BLOC1S3: variants seen among roughly 807,000 people sequenced by gnomAD.
BLOC1S3 encodes biogenesis of lysosomal organelles complex 1 subunit 3.
A neutral mutation model predicts 9.1 loss-of-function variants in BLOC1S3; 7 were observed. The ratio of observed to expected loss-of-function variants is 0.77; its 90% CI spans 0.44 to 1.45. The LOEUF is 1.45. BLOC1S3 is among the 40% of genes most tolerant of loss of function. BLOC1S3 has a pLI of 0.01. For missense variants in BLOC1S3, 307 were observed against 315.2 expected (o/e 0.97, Z 0.20); for synonymous variants, 145 against 158.4 (o/e 0.92, Z 0.64).
chr19:45,208,711 TG>T (rs1969745959), intron 3 of BLOC1S3, among the ~76,000 whole-genome samples: 1 of 150,844 alleles, frequency 6.6e-6, no homozygotes, highest in African/African-American at 2.4e-5. Context: ...GCTGAGGCTG[TG>T]CCATTGCACT....
intron 2 of BLOC1S3, chr19:45,198,912 G>T (rs1969669348): frequency 6.6e-6 from 1 of 151,980 alleles, no homozygotes; most frequent in African/African-American, 2.4e-5. Flanking sequence ...TCACCATGTT[G>T]CCCAGACTGG....
Position 45,207,896 on chromosome 19 carries a change from T to C in BLOC1S3, n.282+5389T>C, listed in dbSNP as rs1021620326. ...TCTTAGAATTGAACTAATGTCAATG[T>C]CCTGTTTTGATGTTGTATTACAGTT... On this transcript the variant is annotated intron_variant and non_coding_transcript_variant, in intron 3 of 3. Transcript: ENST00000591569. Among the ~76,000 whole-genome samples the C allele has an allele frequency of 4.6e-5, 7 of 152,288 alleles. No individual in the cohort carries two copies. The East Asian group carries it at 1.2e-3, about 25-fold the overall frequency.
intron 2 of BLOC1S3, chr19:45,199,004 G>A (rs111736514): frequency 3.3e-5 from 5 of 152,094 alleles, no homozygotes; most frequent in South Asian, 2.1e-4. Flanking sequence ...CACTGCACAC[G>A]GCCTCCATTG....
At chr19:45,204,418 C>T (rs1380902052) in intron 3 of BLOC1S3, among the ~76,000 whole-genome samples, 1 of 151,874 alleles carries the variant, frequency 6.6e-6, no homozygotes, top group Non-Finnish European at 1.5e-5. Context: ...GTCTTGAACC[C>T]CTGACCTCAG....
chr19:45,202,210 TAA>T (rs59295257), intron 2 of BLOC1S3, among the ~76,000 whole-genome samples: 2,354 of 54,618 alleles, frequency 0.043, 54 homozygotes, highest in African/African-American at 0.081. Context: ...AGACTCCATC[TAA>T]AAAAAAAAAA....
At chr19:45,194,084 T>C (rs1969629310) in intron 2 of BLOC1S3, among the ~76,000 whole-genome samples, 1 of 129,686 alleles carries the variant, frequency 7.7e-6, no homozygotes, top group South Asian at 2.6e-4. Flanking sequence ...ATTACAGGTG[T>C]GAGCCACCGC....
In BLOC1S3 at chr19:45,199,690, GTTCTCTTCTGTTCTC is replaced by G. The variant is rs996760502; in HGVS notation, n.181-2691_181-2677del. Among the ~76,000 whole-genome samples, 312 of 144,092 alleles carry G rather than the reference GTTCTCTTCTGTTCTC, an allele frequency of 2.2e-3. 1 individual carries two copies. Among genetic ancestry groups the G allele is most frequent in the African/African-American group, 7.7e-3 (280 of 36,440 alleles). 94.5% of individuals were successfully genotyped at this position (144,092 alleles called of 152,430 possible). A position where few individuals can be genotyped will look rare whatever the true frequency, so the allele number is the denominator to read the frequency against. ...TCTCATCTCTTTTCTCTTCTCTTCT[GTTCTCTTCTGTTCTC>G]TTCTCTTCTGTTCTCTTCTCTTCTT... is the stretch of plus-strand genomic sequence containing the variant. On this transcript the variant is annotated intron_variant and non_coding_transcript_variant, in intron 2 of 3. Coordinates refer to the BLOC1S3 transcript ENST00000591569.
chr19:45,189,463 G>A (rs1599750877), intron 2 of BLOC1S3, among the ~76,000 whole-genome samples: 1 of 146,586 alleles, frequency 6.8e-6, no homozygotes, highest in East Asian at 2.0e-4. Flanking sequence ...ACGGAGTTTC[G>A]CTCTTGTTGC....
chr19:45,215,007 T>C (rs546243674), intron 3 of BLOC1S3, among the ~76,000 whole-genome samples: 2 of 151,566 alleles, frequency 1.3e-5, no homozygotes, highest in East Asian at 3.9e-4. Flanking sequence ...AATACAAAAA[T>C]TAGCCGGGCG....
chr19:45,210,843 G>A (rs1288834083), intron 3 of BLOC1S3, among the ~76,000 whole-genome samples: 1 of 152,220 alleles, frequency 6.6e-6, no homozygotes, highest in Non-Finnish European at 1.5e-5. Flanking sequence ...AACGCCTACA[G>A]GGCAGTGGCA....
intron 3 of BLOC1S3, among the ~76,000 whole-genome samples, chr19:45,211,983 C>A (rs1439593074): frequency 2.0e-5 from 3 of 152,110 alleles, no homozygotes; most frequent in Non-Finnish European, 2.9e-5. Context: ...CCGAGACTTT[C>A]CTGCGTCAAC....
At chr19:45,190,825 A>ATTT (rs1271466326) in intron 2 of BLOC1S3, among the ~76,000 whole-genome samples, 2 of 28,570 alleles carry the variant, frequency 7.0e-5, no homozygotes, top group African/African-American at 2.8e-4. Flanking sequence ...TTATTTTTTG[A>ATTT]GAGAGAGTCT....
intron 2 of BLOC1S3, among the ~76,000 whole-genome samples, chr19:45,188,472 C>CCTTTTTTTTTT (rs1568472450): frequency 6.6e-6 from 1 of 151,846 alleles, no homozygotes; most frequent in African/African-American, 2.4e-5. Context: ...CAGCGCCCGG[C>CCTTTTTTTTTT]TTCTTTTAGT....
At chr19:45,209,117 C>T (rs1340859959) in intron 3 of BLOC1S3, among the ~76,000 whole-genome samples, 6 of 151,728 alleles carry the variant, frequency 4.0e-5, no homozygotes, top group East Asian at 3.9e-4. Flanking sequence ...GGTGCTACCT[C>T]GGCTCACTGC....
intron 3 of BLOC1S3, among the ~76,000 whole-genome samples, chr19:45,215,070 C>T (rs921168642): frequency 2.0e-5 from 3 of 151,796 alleles, no homozygotes; most frequent in African/African-American, 7.3e-5. Context: ...CTCTTGAACC[C>T]GGGAGGCAGA....
At chr19:45,210,600 C>CTT (rs925610965) in intron 3 of BLOC1S3, among the ~76,000 whole-genome samples, 1 of 144,942 alleles carries the variant, frequency 6.9e-6, no homozygotes, top group Non-Finnish European at 1.5e-5. Context: ...CACCCGGCCA[C>CTT]TTTTTTTTTT....
chr19:45,216,825 T>G (rs1187889044), exon 4 of BLOC1S3: 2 of 152,040 alleles, frequency 1.3e-5, no homozygotes, highest in African/African-American at 4.8e-5. Flanking sequence ...TACAATTATC[T>G]CAAAAATTTT....
chr19:45,187,775 C>T (rs1218892260), intron 2 of BLOC1S3: 1 of 152,120 alleles, frequency 6.6e-6, no homozygotes, highest in Non-Finnish European at 1.5e-5. Flanking sequence ...TGGGGGATTC[C>T]TTCCAGGACC....
At chr19:45,204,527 A>G (rs1039851742) in intron 3 of BLOC1S3, among the ~76,000 whole-genome samples, 3 of 151,960 alleles carry the variant, frequency 2.0e-5, no homozygotes, top group Admixed American at 6.6e-5. Flanking sequence ...TTTCTCAACT[A>G]GTTGCATTCA....
Sources: gnomAD v4.1 joint callset for allele counts (sites outside exome capture counted in the v4.1 genomes callset) on GRCh38, gnomAD v4.1.1 for gene constraint, MANE v1.5 for transcripts, NCBI Gene and HGNC (gene_info 2026-07-23, HGNC 2026-07-21) for gene names.